Variants in GXYLT2 observed in about 807,000 individuals in gnomAD.
GXYLT2 encodes the protein glucoside xylosyltransferase 2.
GXYLT2 carries 53 observed loss-of-function variants against 45.8 expected under a neutral mutation model. That is an observed-to-expected ratio of 1.16 (90% CI 0.93 to 1.46). The LOEUF (loss-of-function observed/expected upper bound fraction) is 1.46, where lower values mean the gene tolerates loss of function less well. Ranked by LOEUF, GXYLT2 falls within the 40% of genes most tolerant of loss-of-function variation. The pLI is 0.00. For missense variants in GXYLT2, 551 were observed against 544.4 expected, an observed-to-expected ratio of 1.01 and a Z score of -0.12; for synonymous variants, 219 against 214.2, an observed-to-expected ratio of 1.02 and a Z score of -0.19.
chr3:72,912,042 GCT>G (rs375962662), intron 2 of GXYLT2, among the ~76,000 whole-genome samples: 2,202 of 127,746 alleles, frequency 0.017, 55 homozygotes, highest in African/African-American at 0.065. Context: ...ACAGCGTCTC[GCT>G]CTGTCTCCCA....
chr3:72,889,657 T>C (rs1183044263), intron 1 of GXYLT2, among the ~76,000 whole-genome samples: 1 of 152,182 alleles, frequency 6.6e-6, no homozygotes, highest in Non-Finnish European at 1.5e-5. Flanking sequence ...GGATTTCCCC[T>C]CTTCTATACT....
chr3:72,898,888 T>A (rs933930412), intron 1 of GXYLT2, among the ~76,000 whole-genome samples: 2 of 152,140 alleles, frequency 1.3e-5, no homozygotes, highest in Admixed American at 6.6e-5. Flanking sequence ...TGTGCCACCA[T>A]GCCCGGCTAA....
At chr3:72,922,127 C>T in intron 2 of GXYLT2, 77 bp from the exon 3 acceptor site, 1 of 1,326,522 alleles carries the variant, frequency 7.5e-7, no homozygotes. Context: ...TTCCATTTGA[C>T]CATCCAGAAG....
At chr3:72,965,935 T>C (rs916627171) in intron 5 of GXYLT2, among the ~76,000 whole-genome samples, 6 of 152,278 alleles carry the variant, frequency 3.9e-5, no homozygotes, top group Admixed American at 2.6e-4. Context: ...CTTTGCTTTT[T>C]GCTTTGGGGT....
At chr3:72,964,160 A>AC (rs1232749350) in intron 5 of GXYLT2, among the ~76,000 whole-genome samples, 4 of 152,092 alleles carry the variant, frequency 2.6e-5, no homozygotes, top group Non-Finnish European at 5.9e-5. Context: ...TTTCTAACTT[A>AC]CCACGATTAT....
At chr3:72,900,484 G>A (rs189532845) in intron 1 of GXYLT2, among the ~76,000 whole-genome samples, 26 of 151,932 alleles carry the variant, frequency 1.7e-4, no homozygotes, top group African/African-American at 6.0e-4. Context: ...GCACAATCTC[G>A]GCTCACTGCA....
intron 2 of GXYLT2, among the ~76,000 whole-genome samples, chr3:72,917,096 G>T (rs1358391566): frequency 1.3e-5 from 2 of 152,048 alleles, no homozygotes; most frequent in Non-Finnish European, 2.9e-5. Flanking sequence ...GAGTGGCAAG[G>T]ATTTTTTTGT....
intron 3 of GXYLT2, among the ~76,000 whole-genome samples, chr3:72,949,604 C>T (rs1263079831): frequency 7.2e-6 from 1 of 139,856 alleles, no homozygotes; most frequent in African/African-American, 2.6e-5. Flanking sequence ...CTCCGCCTCC[C>T]GGGTTCAGGC....
At chr3:72,909,226 G>A (rs891806330) in intron 2 of GXYLT2, among the ~76,000 whole-genome samples, 5 of 151,452 alleles carry the variant, frequency 3.3e-5, no homozygotes, top group African/African-American at 1.2e-4. Context: ...GTGCCCCCAT[G>A]CCTGGCTAAT....
rs114682419 is a variant in GXYLT2 at position 72,928,094 on chromosome 3, A to T, written c.600+5759A>T. 6.0e-3 allele frequency among the ~76,000 whole-genome samples: 916 copies of T among 152,344 alleles called. 5 individuals are homozygous for T. The highest frequency in any genetic ancestry group is 9.1e-3 in the Non-Finnish European group (617 of 68,036). On this transcript the variant is annotated intron_variant, in intron 3 of 6. Coordinates refer to ENST00000389617, the MANE Select transcript of GXYLT2 (RefSeq NM_001080393.2). ...CATAATGATTGCTCAAAGCAGCCTG[A>T]AATCCAAATTCTAGCAGCTTAGCAG...
rs1458614394 is a variant in GXYLT2 at position 72,893,587 on chromosome 3, C to T, written c.275+5079C>T. ...TCCTTAAATCACTGTTTCACTAACT[C>T]CTAAAACAGAGATAGATGATCTCAT... is the stretch of plus-strand genomic sequence containing the variant. On this transcript the variant is annotated intron_variant, in intron 1 of 6. Transcript: ENST00000389617. Among the ~76,000 whole-genome samples the T allele has an allele frequency of 2.0e-5, 3 of 152,286 alleles. No individual in the cohort carries two copies. In the East Asian group the frequency reaches 5.8e-4, roughly 29 times the overall value.
intron 3 of GXYLT2, among the ~76,000 whole-genome samples, chr3:72,944,861 G>A (rs1473781783): frequency 6.6e-6 from 1 of 152,116 alleles, no homozygotes; most frequent in Non-Finnish European, 1.5e-5. Context: ...GGAATGATGT[G>A]CGTAGCAACC....
At chr3:72,911,864 C>T (rs1324053437) in intron 2 of GXYLT2, among the ~76,000 whole-genome samples, 1 of 151,442 alleles carries the variant, frequency 6.6e-6, no homozygotes, top group Non-Finnish European at 1.5e-5. Context: ...AACGCCTGGG[C>T]TCAAGCAATC....
intron 3 of GXYLT2, among the ~76,000 whole-genome samples, chr3:72,940,297 G>A (rs1710275810): frequency 6.6e-6 from 1 of 152,158 alleles, no homozygotes. Flanking sequence ...CTGTGAATAA[G>A]ATATCCAAAT....
intron 3 of GXYLT2, among the ~76,000 whole-genome samples, chr3:72,948,725 T>A (rs1177576874): frequency 1.3e-5 from 2 of 150,520 alleles, no homozygotes; most frequent in African/African-American, 4.9e-5. Flanking sequence ...TAATCCCAGC[T>A]ACTTGGGAGG....
chr3:72,947,735 A>G (rs1710437418), intron 3 of GXYLT2, among the ~76,000 whole-genome samples: 1 of 152,146 alleles, frequency 6.6e-6, no homozygotes, highest in South Asian at 2.1e-4. Flanking sequence ...CAGGAGGCGG[A>G]GGTTGCAGTG....
At chr3:72,956,332 G>A (rs1710647170) in intron 4 of GXYLT2, among the ~76,000 whole-genome samples, 1 of 152,116 alleles carries the variant, frequency 6.6e-6, no homozygotes, top group Admixed American at 6.5e-5. Flanking sequence ...GGGGAAAATG[G>A]GAATGGGATA....
intron 2 of GXYLT2, among the ~76,000 whole-genome samples, chr3:72,914,699 G>T (rs1709702164): frequency 6.6e-6 from 1 of 152,014 alleles, no homozygotes; most frequent in Non-Finnish European, 1.5e-5. Flanking sequence ...GGCACTTGTG[G>T]TGACAGTAGC....
chr3:72,896,826 A>G (rs1709300599), intron 1 of GXYLT2, among the ~76,000 whole-genome samples: 1 of 151,422 alleles, frequency 6.6e-6, no homozygotes, highest in Non-Finnish European at 1.5e-5. Context: ...CTCCAGCCTG[A>G]GTGACAGAGT....
Sources: gnomAD v4.1 joint callset for allele counts (sites outside exome capture counted in the v4.1 genomes callset) on GRCh38, gnomAD v4.1.1 for gene constraint, MANE v1.5 for transcripts, NCBI Gene and HGNC (gene_info 2026-07-23, HGNC 2026-07-21) for gene names.